The following SP140 variants were observed in gnomAD, a reference collection of about 807,000 sequenced individuals.
SP140 encodes SP140 nuclear body protein.
A neutral mutation model predicts 125.0 loss-of-function variants in SP140; 81 were observed. The ratio of observed to expected loss-of-function variants is 0.65; its 90% CI spans 0.54 to 0.78. The LOEUF is 0.78. Ranked by LOEUF, SP140 falls within the 30% of genes least tolerant of loss-of-function variation. The pLI, the probability that SP140 is intolerant of heterozygous loss-of-function variation, is 0.00. For missense variants in SP140, 858 were observed against 1,037.0 expected (o/e 0.83, Z 2.37); for synonymous variants, 312 against 354.0 (o/e 0.88, Z 1.33).
chr2:230,211,028 C>T lies in SP140; in HGVS notation c.-322-2626C>T, dbSNP rs983807332. Among the ~76,000 whole-genome samples, 2 of 152,184 alleles carry T rather than the reference C, an allele frequency of 1.3e-5. No homozygotes were observed. The highest frequency in any genetic ancestry group is 2.9e-5 in the Non-Finnish European group (2 of 68,028). ...CATTTGCTTTGCATTTTGACAGAGC[C>T]GTTTTGAGCACTACTTTATTGAAGT... is the stretch of plus-strand genomic sequence containing the variant. On this transcript the variant is annotated intron_variant, in intron 1 of 4. Coordinates refer to the SP140 transcript ENST00000456542. The surrounding 1 kb of genome is among the most constrained non-coding windows in gnomAD (Gnocchi z 4.2).
the SP140 span, among the ~76,000 whole-genome samples, chr2:230,190,654 T>G: frequency 7.4e-6 from 1 of 135,278 alleles, no homozygotes; most frequent in Non-Finnish European, 1.6e-5. Context: ...TGAATGATAT[T>G]GCTTCAGTTT....
At chr2:230,220,659 GC>G (rs1197914006) in intron 3 of SP140, among the ~76,000 whole-genome samples, 2 of 152,066 alleles carry the variant, frequency 1.3e-5, no homozygotes, top group African/African-American at 4.8e-5. Flanking sequence ...CCCTTCTCAT[GC>G]CCCTTTTAAA....
intron 17 of SP140, among the ~76,000 whole-genome samples, chr2:230,286,376 T>C (rs182662955): frequency 0.011 from 1,619 of 152,312 alleles, 10 homozygotes; most frequent in Middle Eastern, 0.02. Flanking sequence ...GGGGGTGACA[T>C]GGTCAGTGTC....
intron 22 of SP140, among the ~76,000 whole-genome samples, chr2:230,308,104 T>C (rs1031600718): frequency 2.6e-5 from 4 of 151,040 alleles, no homozygotes; most frequent in African/African-American, 9.7e-5. Context: ...TGGATGGAGT[T>C]GGAGACCATT....
intron 3 of SP140, chr2:230,216,926 A>G (rs751757143): frequency 1.9e-6 from 3 of 1,613,306 alleles, no homozygotes; most frequent in Non-Finnish European, 2.5e-6. Context: ...CATGGTGAAC[A>G]TCCTATGGAA....
At chr2:230,247,478 C>T (rs2049637701) in intron 7 of SP140, among the ~76,000 whole-genome samples, 1 of 152,178 alleles carries the variant, frequency 6.6e-6, no homozygotes, top group African/African-American at 2.4e-5. Flanking sequence ...TTTCCTTCCA[C>T]CCCAACACAA....
chr2:230,239,112 T>A (rs2048366937), intron 3 of SP140: 2 of 1,203,376 alleles, frequency 1.7e-6, no homozygotes, highest in Non-Finnish European at 2.2e-6. Context: ...TGGGATGTGT[T>A]GATTTGTGAA....
At chr2:230,212,899 A>C (rs754539400) in intron 1 of SP140, 2 of 1,613,956 alleles carry the variant, frequency 1.2e-6, no homozygotes, top group South Asian at 2.2e-5. Flanking sequence ...CAGGGTGAAC[A>C]GCTTGGTTGA....
chr2:230,226,822 T>A (rs1341071249), intron 1 of SP140, among the ~76,000 whole-genome samples: 1 of 150,700 alleles, frequency 6.6e-6, no homozygotes, highest in African/African-American at 2.4e-5. Context: ...TATCTGTGGA[T>A]TCTGTATCCA....
chr2:230,225,608 G>A, upstream of SP140: 1 of 584,030 alleles, frequency 1.7e-6, no homozygotes, highest in Non-Finnish European at 3.1e-6. Context: ...AAGTGACCCT[G>A]TCTTCCGTGG....
intron 15 of SP140, among the ~76,000 whole-genome samples, chr2:230,276,320 A>G (rs893591362): frequency 1.3e-5 from 2 of 152,172 alleles, no homozygotes; most frequent in Non-Finnish European, 2.9e-5. Context: ...ATACTCATTC[A>G]CCATTCTGAA....
chr2:230,251,038 G>T lies in SP140; in HGVS notation c.1034G>T (p.Ser345Ile). Reference protein sequence around the residue: ...CDGEEPQEASSSLARCGSVSC... With the variant: ...CDGEEPQEASISLARCGSVSC... The stretch of plus-strand genomic sequence containing the variant: ...GGAGAAGAGCCCCAGGAAGCCTCTA[G>T]CTCCCTAGCAAGATGTGGGTCAGGT... Residue 345 changes from serine to isoleucine, a missense_variant, in exon 10 of 27, where the codon AGC becomes ATC. Ser to Ile is a moderately radical substitution (Grantham distance 142). This residue lies in a region of SP140 where 791 missense variants were observed against 869.5 expected (regional missense o/e 0.91). Transcript: ENST00000392045. The T allele has an allele frequency of 6.2e-7, 1 of 1,613,610 alleles. No individual in the cohort carries two copies. Among genetic ancestry groups the T allele is most frequent in the Non-Finnish European group, 8.5e-7 (1 of 1,179,790 alleles).
At chr2:230,202,891 C>A (rs2043321339), upstream of SP140, 3 of 696,080 alleles carry the variant, frequency 4.3e-6, no homozygotes, top group African/African-American at 1.8e-5. Context: ...ATAATTATAT[C>A]CTTCTTCTTA....
chr2:230,200,916 C>A, upstream of SP140: 4 of 1,613,988 alleles, frequency 2.5e-6, no homozygotes, highest in Non-Finnish European at 3.4e-6. Context: ...TACTAGGCGT[C>A]TTCTGGGACC....
intron 14 of SP140, 54 bp from the exon 15 acceptor site, chr2:230,270,532 T>C: frequency 6.6e-7 from 1 of 1,506,790 alleles, no homozygotes; most frequent in South Asian, 1.2e-5. Context: ...TCCTAAAATC[T>C]ATAACTTTTA....
At chr2:230,206,606 T>TATATATATATATATAC (rs2043864272) in intron 1 of SP140, among the ~76,000 whole-genome samples, 1 of 52,712 alleles carries the variant, frequency 1.9e-5, no homozygotes, top group African/African-American at 1.1e-4. Flanking sequence ...TATATATATA[T>TATATATATATATATAC]ATATATATAT....
intron 22 of SP140, among the ~76,000 whole-genome samples, chr2:230,307,955 GTATATATATATATATA>G (rs60233854): frequency 6.6e-4 from 32 of 48,430 alleles, no homozygotes; most frequent in Admixed American, 1.9e-3. Context: ...GGACATGCAT[GTATATATATATATATA>G]TATATATATA....
intron 7 of SP140, among the ~76,000 whole-genome samples, chr2:230,246,482 G>T (rs544213927): frequency 4.6e-5 from 7 of 152,086 alleles, no homozygotes; most frequent in African/African-American, 1.4e-4. Flanking sequence ...TTTTCTCGAG[G>T]TTATGCCAAC....
rs142958766 is a variant in SP140 at position 230,212,612 on chromosome 2, T to C, written c.-322-1042T>C. On this transcript the variant is annotated intron_variant, in intron 1 of 4. Coordinates refer to the SP140 transcript ENST00000456542. Reference sequence around the variant, plus strand: ...CTTACCCACCCCCCGGCAGTGCTCATAATCCCTCTTGAAAAGGGTTGTGTT... The same window carrying C: ...CTTACCCACCCCCCGGCAGTGCTCACAATCCCTCTTGAAAAGGGTTGTGTT... The C allele has an allele frequency of 5.6e-5, 67 of 1,186,760 alleles. No homozygotes were observed. The African/African-American group carries it at 8.8e-4, about 16-fold the overall frequency. The allele number at this position is 1,186,760 out of a possible 1,614,324, so 73.5% of individuals were successfully genotyped here.
Sources: gnomAD v4.1 joint callset for allele counts (sites outside exome capture counted in the v4.1 genomes callset) on GRCh38, gnomAD v4.1.1 for gene constraint, gnomAD v4.1.1 regional missense constraint, Gnocchi (gnomAD v3.1) non-coding constraint, MANE v1.5 for transcripts, NCBI Gene and HGNC (gene_info 2026-07-23, HGNC 2026-07-21) for gene names.